SAMD5: variants seen among roughly 807,000 people sequenced by gnomAD.
SAMD5 encodes the protein sterile alpha motif domain containing 5.
Under a neutral mutation model 11.3 loss-of-function variants are expected in SAMD5, and 13 were observed. The observed-to-expected ratio is 1.15, with a 90% confidence interval of 0.75 to 1.83. The LOEUF (loss-of-function observed/expected upper bound fraction) is 1.83, where lower values mean the gene tolerates loss of function less well. Ranked by LOEUF, SAMD5 falls within the 40% of genes most tolerant of loss-of-function variation. SAMD5 has a pLI of 0.00. For synonymous variants in SAMD5, 129 were observed against 111.3 expected (o/e 1.16, Z -1.00); for missense variants, 255 against 239.1 (o/e 1.07, Z -0.44).
intron 1 of SAMD5, among the ~76,000 whole-genome samples, chr6:147,695,289 A>G (rs1318125271): frequency 6.6e-6 from 1 of 151,960 alleles, no homozygotes; most frequent in Non-Finnish European, 1.5e-5. Context: ...TTTTTTTTTA[A>G]TTAATGAGAT....
chr6:147,546,004 A>G (rs1337024656), intron 1 of SAMD5, among the ~76,000 whole-genome samples: 2 of 152,170 alleles, frequency 1.3e-5, no homozygotes, highest in African/African-American at 4.8e-5. Context: ...ATTATTCAGG[A>G]TAAGGTAGGG....
chr6:147,800,312 G>T, the SAMD5 span, among the ~76,000 whole-genome samples: 1 of 152,296 alleles, frequency 6.6e-6, no homozygotes, highest in African/African-American at 2.4e-5. Flanking sequence ...CTGCAGGTCT[G>T]TTGGAGTACC....
At chr6:147,621,062 G>A (rs11964565) in intron 1 of SAMD5, among the ~76,000 whole-genome samples, 10,717 of 152,030 alleles carry the variant, frequency 0.07, 1,259 homozygotes, top group African/African-American at 0.24. Context: ...CAATCATAAA[G>A]GTGGGTTGGA....
intron 1 of SAMD5, among the ~76,000 whole-genome samples, chr6:147,628,549 T>G (rs1236225730): frequency 1.3e-5 from 2 of 152,196 alleles, no homozygotes; most frequent in Non-Finnish European, 2.9e-5. Flanking sequence ...ACAGTCTATC[T>G]GAATCTCAAA....
chr6:147,582,075 T>G (rs66994449), intron 1 of SAMD5, among the ~76,000 whole-genome samples: 50,166 of 151,756 alleles, frequency 0.33, 8,446 homozygotes, highest in East Asian at 0.36. Flanking sequence ...ATGGAAAGGA[T>G]GGGCTGGACA....
the SAMD5 span, among the ~76,000 whole-genome samples, chr6:147,816,809 A>C: frequency 6.6e-6 from 1 of 152,198 alleles, no homozygotes; most frequent in East Asian, 1.9e-4. Flanking sequence ...TCTTGCACAG[A>C]AAATGATACA....
intron 1 of SAMD5, among the ~76,000 whole-genome samples, chr6:147,703,052 T>C (rs1307153410): frequency 1.3e-5 from 2 of 152,128 alleles, no homozygotes; most frequent in African/African-American, 4.8e-5. Context: ...GTTCATTCCC[T>C]TATACTTCGT....
intron 1 of SAMD5, among the ~76,000 whole-genome samples, chr6:147,650,063 T>C (rs1790462520): frequency 6.6e-6 from 1 of 152,254 alleles, no homozygotes; most frequent in Non-Finnish European, 1.5e-5. Context: ...AACAGATGTG[T>C]ACCTGAACTG....
rs71552979 is a variant in SAMD5, at chr6:147,569,219, TA to T, written c.*4779del. The T allele has an allele frequency of 0.091, 19,513 of 214,278 alleles. 78 individuals are homozygous for T. Among genetic ancestry groups the T allele is most frequent in the Middle Eastern group, 0.11 (39 of 366 alleles). The allele number at this position is 214,278 out of a possible 1,614,324, so 13.3% of individuals were successfully genotyped here. ...CTGGGCAACAGAGTGAGACTCTGTC[TA>T]AAAAAAAAAAAAAAAGAAAAGAAAA... On this transcript the variant is annotated 3_prime_UTR_variant, in exon 2 of 2. Transcript: ENST00000367474.
At chr6:147,675,697 T>C (rs1232684431) in intron 1 of SAMD5, among the ~76,000 whole-genome samples, 3 of 152,212 alleles carry the variant, frequency 2.0e-5, no homozygotes, top group Non-Finnish European at 4.4e-5. Flanking sequence ...TTGTGGCCAT[T>C]GATTGGTCCA....
intron 1 of SAMD5, among the ~76,000 whole-genome samples, chr6:147,689,246 C>G (rs1217621082): frequency 6.6e-6 from 1 of 152,124 alleles, no homozygotes; most frequent in Non-Finnish European, 1.5e-5. Flanking sequence ...TATTCAAGGC[C>G]AGGGGTTTGG....
chr6:147,701,970 A>G (rs2128457839), intron 1 of SAMD5, among the ~76,000 whole-genome samples: 1 of 152,328 alleles, frequency 6.6e-6, no homozygotes, highest in South Asian at 2.1e-4. Flanking sequence ...AGAATTGGAA[A>G]CGGGAAGGGC....
chr6:147,543,198 C>T (rs1339830027), intron 1 of SAMD5, among the ~76,000 whole-genome samples: 1 of 152,184 alleles, frequency 6.6e-6, no homozygotes, highest in Non-Finnish European at 1.5e-5. Flanking sequence ...AGTCCTGTTC[C>T]TTCTAACTGC....
chr6:147,577,786 G>A (rs1295853957), intron 1 of SAMD5, among the ~76,000 whole-genome samples: 1 of 152,020 alleles, frequency 6.6e-6, no homozygotes, highest in African/African-American at 2.4e-5. Context: ...ATTTTCATAA[G>A]GAAAATAGCC....
the SAMD5 span, among the ~76,000 whole-genome samples, chr6:147,855,466 T>C: frequency 6.6e-6 from 1 of 152,172 alleles, no homozygotes; most frequent in Admixed American, 6.5e-5. Flanking sequence ...TACACTTTCA[T>C]GCAAACTGAA....
intron 1 of SAMD5, among the ~76,000 whole-genome samples, chr6:147,675,583 G>T (rs983182634): frequency 2.0e-4 from 30 of 152,124 alleles, no homozygotes; most frequent in African/African-American, 6.8e-4. Flanking sequence ...ATGTGTAGGA[G>T]TTTTTGCCAG....
At chr6:147,928,333 T>G in the SAMD5 span, among the ~76,000 whole-genome samples, 1 of 152,194 alleles carries the variant, frequency 6.6e-6, no homozygotes, top group East Asian at 1.9e-4. Context: ...TATTACTGAT[T>G]CAATTACAGA....
chr6:147,929,043 C>T, the SAMD5 span, among the ~76,000 whole-genome samples: 5 of 150,932 alleles, frequency 3.3e-5, no homozygotes, highest in African/African-American at 1.2e-4. Context: ...GATTTTGGTT[C>T]TTTTGCATTT....
chr6:147,562,727 CA>C (rs1440031991), intron 1 of SAMD5, among the ~76,000 whole-genome samples: 2 of 152,140 alleles, frequency 1.3e-5, no homozygotes, highest in East Asian at 3.9e-4. Context: ...GAGGCTGAGG[CA>C]GGAGAATGGC....
Sources: gnomAD v4.1 joint callset for allele counts (sites outside exome capture counted in the v4.1 genomes callset) on GRCh38, gnomAD v4.1.1 for gene constraint, MANE v1.5 for transcripts, NCBI Gene and HGNC (gene_info 2026-07-23, HGNC 2026-07-21) for gene names.